IL1RL2: variants seen among roughly 807,000 people sequenced by gnomAD.
The protein encoded by IL1RL2 is interleukin-1 receptor-like 2.
In IL1RL2, 68 loss-of-function variants were observed where a neutral mutation model predicts 66.8. The ratio of observed to expected loss-of-function variants is 1.02; its 90% CI spans 0.84 to 1.25. IL1RL2 has a LOEUF of 1.25. IL1RL2 is among the 50% of genes most tolerant of loss of function. The probability of loss-of-function intolerance (pLI) is 0.00; values close to 1 mark genes in which losing one functional copy is unlikely to be tolerated. For missense variants in IL1RL2, 729 were observed against 709.3 expected (o/e 1.03, Z -0.32); for synonymous variants, 305 against 264.6 (o/e 1.15, Z -1.48).
intron 4 of IL1RL2, among the ~76,000 whole-genome samples, chr2:102,196,346 T>C (rs760318073): frequency 1.5e-4 from 23 of 152,184 alleles, no homozygotes; most frequent in Non-Finnish European, 3.2e-4. Flanking sequence ...AGGGGTCACC[T>C]GATACTATAC....
At chr2:102,211,628 T>C (rs1364180663) in intron 5 of IL1RL2, among the ~76,000 whole-genome samples, 2 of 152,196 alleles carry the variant, frequency 1.3e-5, no homozygotes, top group Non-Finnish European at 2.9e-5. Context: ...CTACATAACA[T>C]TCTTATAAGG....
intron 9 of IL1RL2, among the ~76,000 whole-genome samples, chr2:102,228,643 T>C (rs936819921): frequency 2.6e-5 from 4 of 151,076 alleles, no homozygotes; most frequent in African/African-American, 9.8e-5. Flanking sequence ...TAGGATAGAA[T>C]GGCTAAAACG....
At chr2:102,233,241 T>A (rs1691305041) in intron 10 of IL1RL2, 117 bp downstream of exon 10, 2 of 1,019,516 alleles carry the variant, frequency 2.0e-6, no homozygotes, top group African/African-American at 1.6e-5. Context: ...CCACAGAGAG[T>A]CTATGACCAG....
chr2:102,205,735 G>A (rs1688647438), intron 5 of IL1RL2, among the ~76,000 whole-genome samples: 1 of 152,028 alleles, frequency 6.6e-6, no homozygotes, highest in Non-Finnish European at 1.5e-5. Flanking sequence ...AAATCTGCTG[G>A]GTGTTCTATA....
intron 5 of IL1RL2, among the ~76,000 whole-genome samples, chr2:102,204,542 T>G (rs1291641318): frequency 6.6e-6 from 1 of 152,130 alleles, no homozygotes; most frequent in African/African-American, 2.4e-5. Flanking sequence ...CAATAATATT[T>G]GTTTTTATAT....
chr2:102,209,334 G>T (rs1160018945), intron 5 of IL1RL2, among the ~76,000 whole-genome samples: 1 of 152,194 alleles, frequency 6.6e-6, no homozygotes, highest in Non-Finnish European at 1.5e-5. Context: ...TGTTTGCGGA[G>T]CAGGAAAAGA....
rs1578072908 is a variant in IL1RL2, at chr2:102,187,720, T to C, written c.-12-136T>C. The C allele has an allele frequency of 9.4e-6, 7 of 748,268 alleles. No individual in the cohort carries two copies. The East Asian group carries it at 1.6e-4, about 17-fold the overall frequency. 46.4% of individuals were successfully genotyped at this position (748,268 alleles called of 1,614,324 possible). ...TCTTTGGGGAAACGTGGGGCCAAAG[T>C]CGGAGGGCTCCCCAGGAAAAAGGGA... On this transcript the variant is annotated intron_variant, in intron 1 of 11. Coordinates refer to ENST00000264257, the MANE Select transcript of IL1RL2 (RefSeq NM_003854.4).
At chr2:102,203,997 C>G (rs968478915) in intron 5 of IL1RL2, among the ~76,000 whole-genome samples, 1 of 151,634 alleles carries the variant, frequency 6.6e-6, no homozygotes, top group Non-Finnish European at 1.5e-5. Flanking sequence ...GAAGTTTTTC[C>G]TCTTTTTTGA....
chr2:102,226,091 T>C (rs1425172278), intron 9 of IL1RL2, 50 bp downstream of exon 9: 2 of 1,426,030 alleles, frequency 1.4e-6, no homozygotes, highest in Admixed American at 2.4e-5. Context: ...TATCCTCTTA[T>C]ACATATACAA....
intron 1 of IL1RL2, chr2:102,187,339 C>T (rs1686769273): frequency 8.6e-7 from 1 of 1,168,672 alleles, no homozygotes; most frequent in Non-Finnish European, 1.1e-6. Context: ...CTGGCCCTTG[C>T]CAGGTAGGCC....
chr2:102,205,129 A>T (rs551756091), intron 5 of IL1RL2, among the ~76,000 whole-genome samples: 1 of 152,292 alleles, frequency 6.6e-6, no homozygotes, highest in South Asian at 2.1e-4. Flanking sequence ...ACAAGCAAAA[A>T]GAAAACTAAT....
chr2:102,227,626 C>T (rs2104867990), intron 9 of IL1RL2, among the ~76,000 whole-genome samples: 1 of 152,206 alleles, frequency 6.6e-6, no homozygotes, highest in East Asian at 1.9e-4. Context: ...TCTAAGCACA[C>T]CCATGACTGC....
intron 3 of IL1RL2, among the ~76,000 whole-genome samples, chr2:102,189,763 G>A (rs1389561595): frequency 1.3e-5 from 2 of 152,146 alleles, no homozygotes; most frequent in East Asian, 1.9e-4. Flanking sequence ...GATTATAGGC[G>A]CTTGGCTATA....
At chr2:102,235,717 A>C in intron 11 of IL1RL2, 1 of 985,396 alleles carries the variant, frequency 1.0e-6, no homozygotes, top group African/African-American at 1.7e-5. Flanking sequence ...TGGCAAGGAT[A>C]GCAGTATTTG....
intron 5 of IL1RL2, among the ~76,000 whole-genome samples, chr2:102,210,254 G>A (rs938641392): frequency 1.3e-5 from 2 of 152,166 alleles, no homozygotes; most frequent in African/African-American, 4.8e-5. Context: ...AGAGTAGAAA[G>A]CAGGGCTAGA....
intron 4 of IL1RL2, among the ~76,000 whole-genome samples, chr2:102,197,403 CT>C (rs1687880458): frequency 6.6e-6 from 1 of 152,128 alleles, no homozygotes; most frequent in Non-Finnish European, 1.5e-5. Context: ...CCTGAAAGAG[CT>C]TGGAAATTAG....
intron 3 of IL1RL2, 108 bp from the exon 4 acceptor site, chr2:102,191,817 G>T: frequency 1.3e-6 from 1 of 742,084 alleles, no homozygotes. Flanking sequence ...GAGGCAGAGG[G>T]TTTGCACAGT....
At chr2:102,193,393 G>T (rs1224456890) in intron 4 of IL1RL2, among the ~76,000 whole-genome samples, 1 of 152,096 alleles carries the variant, frequency 6.6e-6, no homozygotes, top group Non-Finnish European at 1.5e-5. Context: ...TTATACTTTT[G>T]CCAGGAGTAT....
chr2:102,188,641 A>T (rs1046025687), intron 2 of IL1RL2, among the ~76,000 whole-genome samples: 12 of 151,632 alleles, frequency 7.9e-5, no homozygotes, highest in African/African-American at 2.7e-4. Context: ...AGTGAACCAA[A>T]TTTTTTTTCT....
Sources: gnomAD v4.1 joint callset for allele counts (sites outside exome capture counted in the v4.1 genomes callset) on GRCh38, gnomAD v4.1.1 for gene constraint, MANE v1.5 for transcripts, NCBI Gene and HGNC (gene_info 2026-07-23, HGNC 2026-07-21) for gene names.